Variants in DAGLB observed in about 807,000 individuals in gnomAD.
The protein encoded by DAGLB is diacylglycerol lipase-beta.
DAGLB carries 66 observed loss-of-function variants against 72.1 expected under a neutral mutation model. The ratio of observed to expected loss-of-function variants is 0.92; its 90% CI spans 0.75 to 1.12. The LOEUF (loss-of-function observed/expected upper bound fraction) is 1.12, where lower values mean the gene tolerates loss of function less well. DAGLB is among the 50% of genes most tolerant of loss of function. The pLI, the probability that DAGLB is intolerant of heterozygous loss-of-function variation, is 0.00. For synonymous variants in DAGLB, 414 were observed against 359.5 expected (o/e 1.15, Z -1.71); for missense variants, 1,065 against 884.9 (o/e 1.20, Z -2.58).
At chr7:6,429,235 T>A (rs1169594429) in intron 6 of DAGLB, among the ~76,000 whole-genome samples, 1 of 152,112 alleles carries the variant, frequency 6.6e-6, no homozygotes, top group Non-Finnish European at 1.5e-5. Context: ...GAAGGATGGT[T>A]GTCATGGACC....
intron 2 of DAGLB, among the ~76,000 whole-genome samples, chr7:6,442,320 G>A (rs549433426): frequency 6.6e-6 from 1 of 152,254 alleles, no homozygotes; most frequent in East Asian, 1.9e-4. Flanking sequence ...CTGACCACAA[G>A]TACATGATGA....
chr7:6,428,649 G>C (rs927913327), intron 6 of DAGLB, among the ~76,000 whole-genome samples: 1 of 151,948 alleles, frequency 6.6e-6, no homozygotes, highest in Non-Finnish European at 1.5e-5. Context: ...ACCATGTCCA[G>C]CTAATTTCTG....
Position 6,436,606 on chromosome 7 carries a change from C to A in DAGLB, c.248-73G>T. On this transcript the variant is annotated intron_variant, in intron 2 of 14. Transcript: ENST00000297056. ...GAAGAGCTTCCTTTTTGCAAAAATA[C>A]AGCTTTTGCAGAGCATACATTTGTA... The A allele has an allele frequency of 2.5e-6, 4 of 1,592,338 alleles. No homozygotes were observed. The South Asian group carries it at 4.5e-5, about 18-fold the overall frequency.
chr7:6,424,815 T>C lies in DAGLB; in HGVS notation c.1077A>G (p.Leu359=). The C allele has an allele frequency of 1.9e-6, 3 of 1,613,766 alleles. No homozygotes were observed. Among genetic ancestry groups the C allele is most frequent in the Non-Finnish European group, 2.5e-6 (3 of 1,179,800 alleles). The change falls in exon 8 of 15, where the codon TTA becomes TTG. Residue 359 remains leucine (L), a synonymous_variant. Transcript: ENST00000297056. ...FHDKVYELPF[L]VALDHRKESV... ...ACTCTTTCCTGTGATCCAGAGCCAC[T>C]AAAAACGGCAGCTCGTAAACCTGCA... is the stretch of plus-strand genomic sequence containing the variant.
At chr7:6,410,899 T>C (rs892355589) in intron 13 of DAGLB, among the ~76,000 whole-genome samples, 1 of 148,654 alleles carries the variant, frequency 6.7e-6, no homozygotes, top group Non-Finnish European at 1.5e-5. Context: ...TTTTTTTTTT[T>C]TTTGAGACGG....
rs778260217 is a variant in DAGLB, at chr7:6,446,067, C to T, written c.133G>A (p.Gly45Arg). The T allele has an allele frequency of 9.9e-6, 16 of 1,610,788 alleles. No individual in the cohort carries two copies. The Admixed American group carries it at 2.7e-4, about 27-fold the overall frequency. The change falls in exon 2 of 15, where the codon GGA becomes AGA. Residue 45 changes from glycine (G) to arginine (R), a missense_variant. Gly to Arg is a moderately radical substitution (Grantham distance 125, BLOSUM62 -2). Transcript: ENST00000297056. ...GILTLYLMHR[G>R]KLDCAGGALL... is the part of the protein sequence containing the mutation. ...GCTCCACCAGCACAGTCCAGCTTTC[C>T]TCTGTGCATGAGATACAACGTCAGA...
rs1395763069 is a variant in DAGLB, at chr7:6,435,149, C to A, written c.420-129G>T. ...GAGGGTTCTGTTACCGAGGAAGATG[C>A]AGCTCTCCTGGAACCTGCCTGAGGC... On this transcript the variant is annotated intron_variant, in intron 3 of 14. Coordinates refer to ENST00000297056, the MANE Select transcript of DAGLB (RefSeq NM_139179.4). The A allele has an allele frequency of 4.4e-6, 6 of 1,377,844 alleles. No individual in the cohort carries two copies. In the Admixed American group the frequency reaches 7.3e-5, roughly 17 times the overall value. The allele number at this position is 1,377,844 out of a possible 1,614,324, so 85.4% of individuals were successfully genotyped here. A position where few individuals can be genotyped will look rare whatever the true frequency, so the allele number is the denominator to read the frequency against.
intron 9 of DAGLB, among the ~76,000 whole-genome samples, chr7:6,420,755 G>A (rs1192131881): frequency 6.6e-6 from 1 of 152,098 alleles, no homozygotes. Context: ...CCCAAAACTA[G>A]AAACCCCTAC....
chr7:6,445,432 G>A (rs937260184), intron 2 of DAGLB, among the ~76,000 whole-genome samples: 3 of 152,152 alleles, frequency 2.0e-5, no homozygotes, highest in African/African-American at 7.2e-5. Context: ...AATGTACACA[G>A]ACAGAAAGCA....
At chr7:6,436,960 G>A (rs1026628610) in intron 2 of DAGLB, among the ~76,000 whole-genome samples, 1 of 151,810 alleles carries the variant, frequency 6.6e-6, no homozygotes, top group African/African-American at 2.4e-5. Context: ...GACCAGCCTG[G>A]CCAACATGGT....
In DAGLB at chr7:6,410,250, G is replaced by A. The variant is rs763440209; in HGVS notation, c.1700C>T (p.Thr567Met). Residue 567 changes from threonine (T) to methionine (M), a missense_variant, in exon 14 of 15, where the codon ACG becomes ATG. Physicochemically the swap from Thr to Met is moderately conservative, Grantham distance 81. Transcript: ENST00000297056. The part of the protein sequence containing the change: ...QPLLGEQSLL[T>M]RWSPAYSFSS... ...GAAGCTGTAGGCCGGGGACCAGCGC[G>A]TCAGTAGGCTCTGCTCCCCCAGAAG... 21 of 1,613,132 alleles carry A rather than the reference G, an allele frequency of 1.3e-5. No individual in the cohort carries two copies. The highest frequency in any genetic ancestry group is 6.6e-5 in the South Asian group (6 of 90,874).
At chr7:6,441,281 C>CG (rs1332889199) in intron 2 of DAGLB, among the ~76,000 whole-genome samples, 3 of 150,754 alleles carry the variant, frequency 2.0e-5, no homozygotes, top group Admixed American at 1.3e-4. Context: ...TTAGTAGAGA[C>CG]GGGGTTTCAC....
At chr7:6,436,104 G>A (rs1167017529) in intron 3 of DAGLB, among the ~76,000 whole-genome samples, 1 of 151,638 alleles carries the variant, frequency 6.6e-6, no homozygotes. Context: ...AAAAAAAAGA[G>A]AGAGAGACAG....
At chr7:6,424,561 G>A (rs1318386744) in intron 8 of DAGLB, among the ~76,000 whole-genome samples, 191 bp downstream of exon 8, 1 of 152,196 alleles carries the variant, frequency 6.6e-6, no homozygotes, top group Non-Finnish European at 1.5e-5. Flanking sequence ...AGTTCTCAGT[G>A]AAGATGAAAC....
At chr7:6,436,624 C>T (rs1784667522) in intron 2 of DAGLB, 91 bp from the exon 3 acceptor site, 4 of 1,541,978 alleles carry the variant, frequency 2.6e-6, no homozygotes, top group Non-Finnish European at 3.6e-6. Context: ...GCAGAGCATA[C>T]ATTTGTACTG....
chr7:6,444,558 C>G (rs1041938547), intron 2 of DAGLB, among the ~76,000 whole-genome samples: 1 of 152,064 alleles, frequency 6.6e-6, no homozygotes, highest in Non-Finnish European at 1.5e-5. Flanking sequence ...GCAGAGAGCA[C>G]GCCACTGCAC....
chr7:6,425,738 G>C (rs1430861687), intron 7 of DAGLB, among the ~76,000 whole-genome samples: 1 of 152,194 alleles, frequency 6.6e-6, no homozygotes, highest in African/African-American at 2.4e-5. Context: ...GAAGGGCGAG[G>C]TAAGAAACAC....
At chr7:6,438,124 G>A (rs1784720952) in intron 2 of DAGLB, among the ~76,000 whole-genome samples, 1 of 150,564 alleles carries the variant, frequency 6.6e-6, no homozygotes, top group African/African-American at 2.4e-5. Context: ...AACACCGCAT[G>A]TTTTCACTCA....
At chr7:6,446,192 G>C in intron 1 of DAGLB, 88 bp from the exon 2 acceptor site, 1 of 1,399,512 alleles carries the variant, frequency 7.1e-7, no homozygotes, top group African/African-American at 1.4e-5. Context: ...AAGGGGACAG[G>C]GCGCGGTGGC....
Sources: gnomAD v4.1 joint callset for allele counts (sites outside exome capture counted in the v4.1 genomes callset) on GRCh38, gnomAD v4.1.1 for gene constraint, MANE v1.5 for transcripts, NCBI Gene and HGNC (gene_info 2026-07-23, HGNC 2026-07-21) for gene names.